AGTPBP1: variants seen among roughly 807,000 people sequenced by gnomAD.
AGTPBP1 encodes ATP/GTP binding carboxypeptidase 1, also known as cytosolic carboxypeptidase 1.
A neutral mutation model predicts 143.9 loss-of-function variants in AGTPBP1; 70 were observed. The observed-to-expected ratio is 0.49, with a 90% CI of 0.40 to 0.59. The LOEUF (loss-of-function observed/expected upper bound fraction) is 0.59, where lower values mean the gene tolerates loss of function less well. Ranked by LOEUF, AGTPBP1 falls within the 20% of genes least tolerant of loss-of-function variation. The probability of loss-of-function intolerance (pLI) is 0.00; values close to 1 mark genes in which losing one functional copy is unlikely to be tolerated. For missense variants in AGTPBP1, 1,229 were observed against 1,464.5 expected (o/e 0.84, Z 2.62); for synonymous variants, 463 against 500.2 (o/e 0.93, Z 0.99).
chr9:85,639,582 G>A (rs1451024909), intron 13 of AGTPBP1, among the ~76,000 whole-genome samples: 1 of 152,146 alleles, frequency 6.6e-6, no homozygotes, highest in Non-Finnish European at 1.5e-5. Flanking sequence ...ATGTGGGAAA[G>A]GACTACCTAT....
rs939855806 is a variant in AGTPBP1 at position 85,692,808 on chromosome 9, G to A, written c.38C>T (p.Thr13Ile). The A allele has an allele frequency of 2.4e-5, 38 of 1,613,050 alleles. No homozygotes were observed. Among genetic ancestry groups the A allele is most frequent in the Non-Finnish European group, 3.1e-5 (37 of 1,179,660 alleles). ...GAGTCCTACGATCCTAGAATTATTG[G>A]TAAGGCTAAAAAGAACGTAGAATGT... is the stretch of plus-strand genomic sequence containing the variant. ...KLKVIPEKSLTNNSRIVGLLA... is the reference protein window; with the variant it reads ...KLKVIPEKSLINNSRIVGLLA... Residue 13 changes from threonine to isoleucine, a missense_variant, in exon 3 of 26, where the codon ACC (threonine) becomes ATC (isoleucine). Thr to Ile is a moderately conservative substitution (Grantham distance 89, BLOSUM62 -1). Transcript: ENST00000357081.
Position 85,641,647 on chromosome 9 carries a change from A to C in AGTPBP1, c.1302+1180T>G, listed in dbSNP as rs76136016. ...TGGCATCTAAGGCTCCTAAGTTCCC[A>C]AGCTGAAACCTGAATGATTAGAACT... On this transcript the variant is annotated intron_variant, in intron 13 of 25. Coordinates refer to ENST00000357081, the MANE Select transcript of AGTPBP1 (RefSeq NM_001330701.2). 9.9e-3 allele frequency among the ~76,000 whole-genome samples: 1,503 copies of C among 152,166 alleles called. 23 individuals are homozygous for C. Among genetic ancestry groups the C allele is most frequent in the African/African-American group, 0.034 (1,407 of 41,520 alleles).
intron 25 of AGTPBP1, among the ~76,000 whole-genome samples, chr9:85,574,041 G>A (rs925762286): frequency 2.2e-4 from 34 of 152,334 alleles, no homozygotes; most frequent in Middle Eastern, 3.4e-3. Flanking sequence ...GGGGAAAGGT[G>A]GGGAAAAGAT....
the AGTPBP1 span, among the ~76,000 whole-genome samples, chr9:85,770,099 G>C: frequency 4.0e-5 from 6 of 151,154 alleles, no homozygotes; most frequent in African/African-American, 1.5e-4. Flanking sequence ...GTATGTGTAT[G>C]TATACACACA....
At chr9:85,647,795 A>C (rs1832910038) in intron 11 of AGTPBP1, among the ~76,000 whole-genome samples, 1 of 152,232 alleles carries the variant, frequency 6.6e-6, no homozygotes, top group Admixed American at 6.5e-5. Context: ...AAGTGAAATG[A>C]TATCTTTAGA....
intron 5 of AGTPBP1, 121 bp downstream of exon 5, chr9:85,678,214 C>T (rs1328852402): frequency 1.7e-6 from 1 of 599,904 alleles, no homozygotes; most frequent in Non-Finnish European, 2.7e-6. Flanking sequence ...ATTTCAGTTT[C>T]TAATTCCAAT....
chr9:85,736,338 G>A (rs936140136), intron 1 of AGTPBP1, among the ~76,000 whole-genome samples: 1 of 152,072 alleles, frequency 6.6e-6, no homozygotes, highest in African/African-American at 2.4e-5. Context: ...ATGTATTTAT[G>A]AGGCACAGTG....
chr9:85,669,014 T>TACACACAC (rs139321417), intron 8 of AGTPBP1, among the ~76,000 whole-genome samples: 3 of 120,514 alleles, frequency 2.5e-5, no homozygotes, highest in African/African-American at 9.1e-5. Context: ...TGTGTATACA[T>TACACACAC]ACACACACAC....
At chr9:85,738,902 G>A (rs1206178986) in intron 1 of AGTPBP1, among the ~76,000 whole-genome samples, 1 of 151,848 alleles carries the variant, frequency 6.6e-6, no homozygotes. Context: ...GACTGAGGAA[G>A]AGCAACGGTA....
the AGTPBP1 span, among the ~76,000 whole-genome samples, chr9:85,777,483 C>T: frequency 2.0e-5 from 3 of 152,190 alleles, no homozygotes; most frequent in East Asian, 5.8e-4. Context: ...GTCCATGTTG[C>T]TGAGCCCACA....
At chr9:85,670,311 T>C (rs946837930) in intron 7 of AGTPBP1, among the ~76,000 whole-genome samples, 1 of 152,108 alleles carries the variant, frequency 6.6e-6, no homozygotes, top group East Asian at 1.9e-4. Flanking sequence ...TTCTTTTGAC[T>C]ATGGGGAATC....
intron 2 of AGTPBP1, among the ~76,000 whole-genome samples, chr9:85,697,660 G>C (rs1836352449): frequency 6.6e-6 from 1 of 151,646 alleles, no homozygotes; most frequent in South Asian, 2.1e-4. Context: ...CACTGTGTTA[G>C]CCAGGATGTT....
At chr9:85,693,206 T>C (rs755725375) in intron 2 of AGTPBP1, among the ~76,000 whole-genome samples, 3 of 152,186 alleles carry the variant, frequency 2.0e-5, no homozygotes, top group Non-Finnish European at 4.4e-5. Context: ...ATAACTGGTA[T>C]AAATCCAGCA....
chr9:85,613,164 A>C (rs1421155903), intron 17 of AGTPBP1, among the ~76,000 whole-genome samples: 1 of 152,134 alleles, frequency 6.6e-6, no homozygotes, highest in Non-Finnish European at 1.5e-5. Context: ...TATAAAAAAT[A>C]ACAAGGAGAT....
Position 85,592,548 on chromosome 9 carries a change from T to A in AGTPBP1, c.2568+12A>T. 6.4e-7 allele frequency: 1 copy of A among 1,562,192 alleles called. No homozygotes were observed. The highest frequency in any genetic ancestry group is 8.6e-7 in the Non-Finnish European group (1 of 1,156,270). The stretch of plus-strand genomic sequence containing the variant: ...CATATCCATATAATACAATTTAATT[T>A]AGAGTTCTTACCTGTAAAGTTGAAT... On this transcript the variant is annotated intron_variant, in intron 19 of 25. Coordinates refer to ENST00000357081, the MANE Select transcript of AGTPBP1 (RefSeq NM_001330701.2).
chr9:85,634,070 C>T (rs769380513), intron 13 of AGTPBP1, among the ~76,000 whole-genome samples: 5 of 150,630 alleles, frequency 3.3e-5, no homozygotes, highest in East Asian at 1.9e-4. Flanking sequence ...TGGTGGACAC[C>T]GTAATCCCAG....
the AGTPBP1 span, among the ~76,000 whole-genome samples, chr9:85,759,161 C>A: frequency 1.3e-5 from 2 of 152,134 alleles, no homozygotes; most frequent in Non-Finnish European, 2.9e-5. Flanking sequence ...GACTCCCACA[C>A]AATAATAATG....
At chr9:85,798,362 C>CTTTTTTTTTTTTTTTTTTTTTT in the AGTPBP1 span, among the ~76,000 whole-genome samples, 2 of 119,268 alleles carry the variant, frequency 1.7e-5, no homozygotes, top group Non-Finnish European at 1.9e-5. Flanking sequence ...CCTCCAAGTT[C>CTTTTTTTTTTTTTTTTTTTTTT]TTTTTTTTTT....
chr9:85,611,205 A>G (rs1267579509), intron 17 of AGTPBP1, among the ~76,000 whole-genome samples: 1 of 149,444 alleles, frequency 6.7e-6, no homozygotes, highest in African/African-American at 2.5e-5. Context: ...CACAGCTAAA[A>G]TAAGTGTCAC....
Sources: allele counts gnomAD v4.1 joint callset (sites outside exome capture counted in the v4.1 genomes callset), GRCh38; gene constraint gnomAD v4.1.1; transcripts MANE v1.5; gene names NCBI Gene and HGNC (gene_info 2026-07-23, HGNC 2026-07-21).